CDK5RAP2: variants seen among roughly 807,000 people sequenced by gnomAD.
CDK5RAP2 encodes the protein CDK5 regulatory subunit associated protein 2.
CDK5RAP2 carries 147 observed loss-of-function variants against 232.9 expected under a neutral mutation model. The ratio of observed to expected loss-of-function variants is 0.63; its 90% CI spans 0.55 to 0.72. The LOEUF (loss-of-function observed/expected upper bound fraction) is 0.72. Among genes scored for constraint, CDK5RAP2 ranks in the 30% least tolerant of loss-of-function variants. The pLI is 0.00. For synonymous variants in CDK5RAP2, 833 were observed against 833.7 expected (o/e 1.00, Z 0.01); for missense variants, 2,195 against 2,231.5 (o/e 0.98, Z 0.33).
rs374382839 is a variant in CDK5RAP2, at chr9:120,518,537, T to C, written c.1201A>G (p.Ile401Val). The C allele has an allele frequency of 2.2e-5, 35 of 1,613,776 alleles. No homozygotes were observed. The African/African-American group carries it at 4.4e-4, about 20-fold the overall frequency. ...CTCAGCTCCTGGGTGATCTTCTTAA[T>C]GCTTCTACGCAGTCTGTGGTTCTCT... ...STENHRLRRS[I>V]KKITQELSDL... The change falls in exon 12 of 38, where the codon ATT becomes GTT. Residue 401 changes from isoleucine to valine, a missense_variant. Ile to Val is a conservative substitution (Grantham distance 29). Coordinates refer to ENST00000349780, the MANE Select transcript of CDK5RAP2 (RefSeq NM_018249.6).
Position 120,408,486 on chromosome 9 carries a change from G to A in CDK5RAP2, c.4605-18C>T. On this transcript the variant is annotated intron_variant, in intron 30 of 37. Transcript: ENST00000349780. ...CCTGCACCCTGAGAAGGCCCCACAG[G>A]CATGAGAAGGACAGGTTAATTCTAC... The A allele has an allele frequency of 1.9e-6, 3 of 1,613,906 alleles. No homozygotes were observed. The highest frequency in any genetic ancestry group is 1.1e-5 in the South Asian group (1 of 91,068).
chr9:120,454,519 A>C (rs1229483412), intron 20 of CDK5RAP2, among the ~76,000 whole-genome samples: 2 of 152,228 alleles, frequency 1.3e-5, no homozygotes, highest in Admixed American at 6.5e-5. Context: ...ATTAAACAAG[A>C]TAGTGTATAG....
At chr9:120,492,928 T>G (rs1435588952) in intron 12 of CDK5RAP2, among the ~76,000 whole-genome samples, 2 of 152,242 alleles carry the variant, frequency 1.3e-5, no homozygotes, top group Non-Finnish European at 2.9e-5. Flanking sequence ...TGTCGTTTCC[T>G]TTCTTTCACT....
chr9:120,520,358 C>G (rs1234208021), intron 11 of CDK5RAP2, among the ~76,000 whole-genome samples: 1 of 152,136 alleles, frequency 6.6e-6, no homozygotes, highest in East Asian at 1.9e-4. Context: ...ATATGATACT[C>G]AGGCTGGGCG....
Position 120,420,138 on chromosome 9 carries a change from C to T in CDK5RAP2, c.4005-178G>A, listed in dbSNP as rs552668220. On this transcript the variant is annotated intron_variant, in intron 26 of 37. Transcript: ENST00000349780. ...AATGACATTCTAAAAGCAAGAAAGGCTCAGTGCGCTTGAGTTTGAAGCCAA... is the reference window on the plus strand; with the variant it reads ...AATGACATTCTAAAAGCAAGAAAGGTTCAGTGCGCTTGAGTTTGAAGCCAA... Among the ~76,000 whole-genome samples, 212 of 152,312 alleles carry T rather than the reference C, an allele frequency of 1.4e-3. 1 individual carries two copies. Among genetic ancestry groups the T allele is most frequent in the African/African-American group, 5.0e-3 (207 of 41,568 alleles).
At chr9:120,573,429 G>A (rs1388876006) in intron 1 of CDK5RAP2, among the ~76,000 whole-genome samples, 2 of 151,752 alleles carry the variant, frequency 1.3e-5, no homozygotes, top group African/African-American at 4.8e-5. Context: ...GGTGCCTGTA[G>A]TCCTAGCTAC....
At position 120,474,809 on chromosome 9, in the gene CDK5RAP2, T is replaced by C. The variant is rs192166558; in HGVS notation, c.1727+2541A>G. ...CTTCCCTTTCCAGTTTTAATCACAG[T>C]ACATCATCTGTCTTCAGGGTCATCC... On this transcript the variant is annotated intron_variant, in intron 15 of 37. Coordinates refer to ENST00000349780, the MANE Select transcript of CDK5RAP2 (RefSeq NM_018249.6). 3.5e-4 allele frequency among the ~76,000 whole-genome samples: 53 copies of C among 152,334 alleles called. No homozygotes were observed. The East Asian group carries it at 9.1e-3, about 26-fold the overall frequency.
chr9:120,478,018 A>T (rs1428253135), intron 14 of CDK5RAP2, among the ~76,000 whole-genome samples: 1 of 152,336 alleles, frequency 6.6e-6, no homozygotes, highest in East Asian at 1.9e-4. Flanking sequence ...TATGAGCTTC[A>T]GTCTCCTCAT....
chr9:120,460,298 C>T (rs933772196), intron 19 of CDK5RAP2, among the ~76,000 whole-genome samples: 2 of 152,292 alleles, frequency 1.3e-5, no homozygotes, highest in African/African-American at 4.8e-5. Context: ...AAAGATTTGT[C>T]CAGGTCAAAC....
chr9:120,505,501 C>G (rs2039769832), intron 12 of CDK5RAP2, among the ~76,000 whole-genome samples: 4 of 152,190 alleles, frequency 2.6e-5, no homozygotes, highest in Admixed American at 2.0e-4. Flanking sequence ...GGAAGAGTCA[C>G]ATGTCTCTCA....
chr9:120,476,745 C>G (rs2038038431), intron 15 of CDK5RAP2, among the ~76,000 whole-genome samples: 1 of 151,464 alleles, frequency 6.6e-6, no homozygotes, highest in South Asian at 2.1e-4. Context: ...TGTGTACAGA[C>G]ACATGGACAG....
chr9:120,437,451 AGATGCCATGG>A lies in CDK5RAP2; in HGVS notation c.3789_3798del (p.His1264ValfsTer8). On this transcript the variant is annotated frameshift_variant, in exon 25 of 38. Transcript: ENST00000349780. LOFTEE classifies it high-confidence loss of function. ...TTCATGTGTTGACGGGAGATGACACAGATGCCATGGCCATCCTTAATCTGCTGCCGTTGAA... is the reference window on the plus strand; with the variant it reads ...TTCATGTGTTGACGGGAGATGACACACCATCCTTAATCTGCTGCCGTTGAA... The A allele has an allele frequency of 6.2e-7, 1 of 1,614,196 alleles. No homozygotes were observed. Among genetic ancestry groups the A allele is most frequent in the Non-Finnish European group, 8.5e-7 (1 of 1,180,024 alleles).
At chr9:120,426,095 T>C (rs1304496412) in intron 25 of CDK5RAP2, among the ~76,000 whole-genome samples, 1 of 152,198 alleles carries the variant, frequency 6.6e-6, no homozygotes, top group East Asian at 1.9e-4. Context: ...GGGAGGGCAG[T>C]TCCAGGGATT....
chr9:120,443,852 G>T, intron 22 of CDK5RAP2, 110 bp from the exon 23 acceptor site: 1 of 1,434,038 alleles, frequency 7.0e-7, no homozygotes. Flanking sequence ...AAAAACACTG[G>T]GGAGGCAAAA....
chr9:120,414,337 G>A (rs1283254479), intron 28 of CDK5RAP2, among the ~76,000 whole-genome samples: 1 of 152,208 alleles, frequency 6.6e-6, no homozygotes, highest in Non-Finnish European at 1.5e-5. Context: ...GCTTTTCTGA[G>A]TGCGCCAAGC....
chr9:120,436,935 A>AT (rs1309617358), intron 25 of CDK5RAP2, among the ~76,000 whole-genome samples: 2 of 152,208 alleles, frequency 1.3e-5, no homozygotes, highest in African/African-American at 4.8e-5. Context: ...TTCACAAAAA[A>AT]AAATAAATAA....
chr9:120,535,054 G>A (rs1230475782), intron 7 of CDK5RAP2, among the ~76,000 whole-genome samples: 1 of 152,242 alleles, frequency 6.6e-6, no homozygotes, highest in Non-Finnish European at 1.5e-5. Flanking sequence ...AACACAAGGT[G>A]TCAAATGGGT....
chr9:120,488,091 G>A (rs1332791890), intron 13 of CDK5RAP2, among the ~76,000 whole-genome samples: 3 of 152,120 alleles, frequency 2.0e-5, no homozygotes, highest in East Asian at 1.9e-4. Context: ...CATATCTCTA[G>A]TCTTCTGCAT....
intron 32 of CDK5RAP2, 112 bp from the exon 33 acceptor site, chr9:120,404,225 G>A: frequency 1.3e-6 from 1 of 752,294 alleles, no homozygotes; most frequent in Non-Finnish European, 2.4e-6. Context: ...TACACACACA[G>A]CATTCCTTCA....
Sources: gnomAD v4.1 joint callset for allele counts (sites outside exome capture counted in the v4.1 genomes callset) on GRCh38, gnomAD v4.1.1 for gene constraint, MANE v1.5 for transcripts, NCBI Gene and HGNC (gene_info 2026-07-23, HGNC 2026-07-21) for gene names.